Variants in LEPR observed in about 807,000 individuals in gnomAD.
The protein encoded by LEPR is OB receptor.
Under a neutral mutation model 114.7 loss-of-function variants are expected in LEPR, and 56 were observed. The ratio of observed to expected loss-of-function variants is 0.49; its 90% confidence interval spans 0.39 to 0.61. The LOEUF (loss-of-function observed/expected upper bound fraction) is 0.61. Ranked by LOEUF, LEPR falls within the 20% of genes least tolerant of loss-of-function variation. LEPR has a pLI of 0.00. For missense variants in LEPR, 1,202 were observed against 1,352.9 expected, an observed-to-expected ratio of 0.89 and a Z score of 1.75; for synonymous variants, 443 against 461.4, an observed-to-expected ratio of 0.96 and a Z score of 0.51.
intron 17 of LEPR, among the ~76,000 whole-genome samples, chr1:65,620,905 G>A (rs955718174): frequency 3.9e-5 from 6 of 152,154 alleles, no homozygotes; most frequent in African/African-American, 1.4e-4. Context: ...CAGGCAAAGG[G>A]ACAGTGTGTG....
chr1:65,570,641 C>T lies in LEPR; in HGVS notation c.209C>T (p.Pro70Leu). ...GGACATTATGAGACAGCTGTTGAACCTAAGTTTAATTCAAGTGGTACTCAC... is the reference window on the plus strand; with the variant it reads ...GGACATTATGAGACAGCTGTTGAACTTAAGTTTAATTCAAGTGGTACTCAC... ...SNGHYETAVE[P>L]KFNSSGTHFS... Residue 70 changes from proline (P) to leucine (L), a missense_variant, in exon 4 of 20, where the codon CCT becomes CTT. Coordinates refer to ENST00000349533, the MANE Select transcript of LEPR (RefSeq NM_002303.6). 6.2e-7 allele frequency: 1 copy of T among 1,613,934 alleles called. No homozygotes were observed. Among genetic ancestry groups the T allele is most frequent in the Non-Finnish European group, 8.5e-7 (1 of 1,179,942 alleles).
rs1253657657 is a variant in LEPR, at chr1:65,616,141, A to G, written c.2129A>G (p.His710Arg). ...ACTTTCCTGTGGACAGAGCAAGCAC[A>G]TACTGTTACGGTTCTGGCCATCAAT... Reference protein sequence around the residue: ...KFTFLWTEQAHTVTVLAINSI... With the variant: ...KFTFLWTEQARTVTVLAINSI... Residue 710 changes from histidine (H) to arginine (R), a missense_variant, in exon 15 of 20, where the codon CAT becomes CGT. Coordinates refer to ENST00000349533, the MANE Select transcript of LEPR (RefSeq NM_002303.6). 3.7e-6 allele frequency: 6 copies of G among 1,614,216 alleles called. No homozygotes were observed. The highest frequency in any genetic ancestry group is 1.6e-4 in the Middle Eastern group (1 of 6,062).
At chr1:65,540,876 G>A (rs977022525) in intron 2 of LEPR, among the ~76,000 whole-genome samples, 3 of 152,124 alleles carry the variant, frequency 2.0e-5, no homozygotes, top group Non-Finnish European at 2.9e-5. Flanking sequence ...CTGTCACCCA[G>A]GCTAGAGTAC....
intron 2 of LEPR, among the ~76,000 whole-genome samples, chr1:65,551,540 G>T (rs1174396343): frequency 6.6e-6 from 1 of 152,062 alleles, no homozygotes; most frequent in Non-Finnish European, 1.5e-5. Context: ...GTATTTCTGT[G>T]GGATCAGTGG....
Position 65,444,231 on chromosome 1 carries a change from T to C in LEPR, c.-21+18853T>C, listed in dbSNP as rs893313680. Among the ~76,000 whole-genome samples the C allele has an allele frequency of 2.0e-5, 3 of 152,066 alleles. No homozygotes were observed. In the East Asian group the frequency reaches 5.8e-4, roughly 30 times the overall value. ...TGTTAAGACCTGATACTTTTAAAGTTTGGACAGTGAAACTTTTGCTGCATC... is the reference window on the plus strand; with the variant it reads ...TGTTAAGACCTGATACTTTTAAAGTCTGGACAGTGAAACTTTTGCTGCATC... On this transcript the variant is annotated intron_variant, in intron 2 of 19. Transcript: ENST00000349533.
intron 2 of LEPR, among the ~76,000 whole-genome samples, chr1:65,517,077 T>C (rs1286435048): frequency 6.6e-6 from 1 of 152,246 alleles, no homozygotes; most frequent in Non-Finnish European, 1.5e-5. Flanking sequence ...GTAATAGTAA[T>C]GTCCTTTTAC....
chr1:65,550,446 C>T (rs1049647816), intron 2 of LEPR, among the ~76,000 whole-genome samples: 1 of 152,210 alleles, frequency 6.6e-6, no homozygotes, highest in African/African-American at 2.4e-5. Flanking sequence ...AGGCAGGCCT[C>T]CTTGAGCTGT....
At chr1:65,503,580 A>G (rs1648570777) in intron 2 of LEPR, among the ~76,000 whole-genome samples, 1 of 152,188 alleles carries the variant, frequency 6.6e-6, no homozygotes, top group Non-Finnish European at 1.5e-5. Flanking sequence ...GAACTGAAGA[A>G]TTAAGTAAAT....
At chr1:65,549,251 T>A (rs879815397) in intron 2 of LEPR, among the ~76,000 whole-genome samples, 168 of 151,208 alleles carry the variant, frequency 1.1e-3, no homozygotes, top group Non-Finnish European at 2.0e-3. Context: ...ATTTTTTCCT[T>A]CATTTCAACT....
At chr1:65,480,962 C>G (rs1163394176) in intron 2 of LEPR, among the ~76,000 whole-genome samples, 1 of 152,198 alleles carries the variant, frequency 6.6e-6, no homozygotes, top group Non-Finnish European at 1.5e-5. Context: ...GCTCTTATAA[C>G]AAAATACCAT....
At chr1:65,437,323 A>G (rs1030465717) in intron 2 of LEPR, among the ~76,000 whole-genome samples, 12 of 152,068 alleles carry the variant, frequency 7.9e-5, no homozygotes, top group African/African-American at 2.4e-4. Context: ...GGCTCAAGCT[A>G]TCCTCCTGCC....
At position 65,636,841 on chromosome 1, in the gene LEPR, T is replaced by C; in HGVS notation, c.3324T>C (p.Cys1108=). The change falls in exon 20 of 20, where the codon TGT becomes TGC. Residue 1108 remains cysteine, a synonymous_variant. Coordinates refer to ENST00000349533, the MANE Select transcript of LEPR (RefSeq NM_002303.6). ...SRVSCPFPAP[C]LFTDIRVLQD... is the part of the protein sequence containing the mutation. ...TATCGTGCCCATTCCCAGCCCCCTG[T>C]TTATTCACGGACATCAGAGTTCTCC... 1 of 1,612,814 alleles carries C rather than the reference T, an allele frequency of 6.2e-7. No individual in the cohort carries two copies. Among genetic ancestry groups the C allele is most frequent in the Non-Finnish European group, 8.5e-7 (1 of 1,179,592 alleles).
intron 2 of LEPR, among the ~76,000 whole-genome samples, chr1:65,554,280 G>T (rs910945667): frequency 4.6e-5 from 7 of 152,214 alleles, no homozygotes; most frequent in Admixed American, 4.6e-4. Flanking sequence ...AGGCAGGAAT[G>T]TTTAAGTCTG....
intron 3 of LEPR, among the ~76,000 whole-genome samples, chr1:65,567,742 T>A (rs1458860972): frequency 6.6e-6 from 1 of 152,232 alleles, no homozygotes; most frequent in Non-Finnish European, 1.5e-5. Context: ...CTTACATTTT[T>A]AAAAAGCCTT....
intron 2 of LEPR, among the ~76,000 whole-genome samples, chr1:65,443,714 GGAAACCAAAATAT>G (rs1262386484): frequency 6.6e-6 from 1 of 152,026 alleles, no homozygotes; most frequent in Non-Finnish European, 1.5e-5. Context: ...TGACACTGTG[GGAAACCAAAATAT>G]GTCACCTCAA....
At chr1:65,630,999 A>G (rs1658496666) in intron 19 of LEPR, among the ~76,000 whole-genome samples, 1 of 151,840 alleles carries the variant, frequency 6.6e-6, no homozygotes. Context: ...TTTCCTCCTA[A>G]TATCTGGTAA....
chr1:65,612,252 G>A (rs1045458786), intron 14 of LEPR, among the ~76,000 whole-genome samples: 1 of 152,048 alleles, frequency 6.6e-6, no homozygotes, highest in Non-Finnish European at 1.5e-5. Context: ...ACAAAAAGAC[G>A]GCAAAGATAG....
At chr1:65,448,246 T>C (rs2100311091) in intron 2 of LEPR, among the ~76,000 whole-genome samples, 1 of 152,364 alleles carries the variant, frequency 6.6e-6, no homozygotes, top group South Asian at 2.1e-4. Flanking sequence ...TTGGAGTTTG[T>C]CAAAAGCTTT....
At chr1:65,572,073 T>C (rs559530613) in intron 4 of LEPR, among the ~76,000 whole-genome samples, 9 of 150,786 alleles carry the variant, frequency 6.0e-5, no homozygotes, top group African/African-American at 2.2e-4. Flanking sequence ...TTAAAGAAAA[T>C]TTGAGAAGCA....
Sources: gnomAD v4.1 joint callset for allele counts (sites outside exome capture counted in the v4.1 genomes callset) on GRCh38, gnomAD v4.1.1 for gene constraint, MANE v1.5 for transcripts, NCBI Gene and HGNC (gene_info 2026-07-23, HGNC 2026-07-21) for gene names.